Variants in SLIT1 observed in about 807,000 individuals in gnomAD.
SLIT1 encodes slit guidance ligand 1.
A neutral mutation model predicts 186.1 loss-of-function variants in SLIT1; 66 were observed. The observed-to-expected ratio is 0.35, with a 90% CI of 0.29 to 0.44. The LOEUF is 0.44. Ranked by LOEUF, SLIT1 falls within the 20% of genes least tolerant of loss-of-function variation. The pLI, the probability that SLIT1 is intolerant of heterozygous loss-of-function variation, is 1.00. For synonymous variants in SLIT1, 761 were observed against 833.8 expected, an observed-to-expected ratio of 0.91 and a Z score of 1.50; for missense variants, 1,638 against 2,037.4, an observed-to-expected ratio of 0.80 and a Z score of 3.77.
chr10:97,013,895 C>G, intron 29 of SLIT1, 61 bp from the exon 30 acceptor site: 1 of 1,539,396 alleles, frequency 6.5e-7, no homozygotes, highest in Non-Finnish European at 8.8e-7. Flanking sequence ...TGCCGGGCAG[C>G]CAGACCCACA....
rs1848713071 is a variant in SLIT1, at chr10:97,043,855, C to T, written c.1854-342G>A. On this transcript the variant is annotated intron_variant, in intron 18 of 36. Coordinates refer to ENST00000266058, the MANE Select transcript of SLIT1 (RefSeq NM_003061.3). This position sits in a 1 kb window ranked among gnomAD's most constrained non-coding sequence, Gnocchi z 7.0. Reference sequence around the variant, plus strand: ...CTCCACATCAGTGCCCAGGAGACTTCCTGAAACCTAATCCATCATGTCACT... The same window carrying T: ...CTCCACATCAGTGCCCAGGAGACTTTCTGAAACCTAATCCATCATGTCACT... 1.3e-5 allele frequency among the ~76,000 whole-genome samples: 2 copies of T among 152,190 alleles called. No homozygotes were observed. Among genetic ancestry groups the T allele is most frequent in the South Asian group, 4.1e-4 (2 of 4,826 alleles).
At chr10:97,048,824 T>TAGGCAGGC in intron 14 of SLIT1, 131 bp downstream of exon 14, 1 of 835,852 alleles carries the variant, frequency 1.2e-6, no homozygotes, top group South Asian at 1.6e-5. Flanking sequence ...GGTGGACAGG[T>TAGGCAGGC]AGGCAGGCAG....
intron 4 of SLIT1, among the ~76,000 whole-genome samples, chr10:97,089,472 T>A (rs1008209962): frequency 3.3e-5 from 5 of 152,152 alleles, no homozygotes; most frequent in African/African-American, 1.2e-4. Context: ...CTGGGCTGAC[T>A]GCGCAGAGAG....
intron 24 of SLIT1, among the ~76,000 whole-genome samples, 173 bp downstream of exon 24, chr10:97,031,433 C>T (rs758705415): frequency 2.6e-5 from 4 of 152,210 alleles, no homozygotes; most frequent in Admixed American, 6.5e-5. Flanking sequence ...TTCCCATGCA[C>T]GCCCCAGCTT....
intron 4 of SLIT1, chr10:97,154,207 C>T (rs961566899): frequency 1.3e-5 from 2 of 152,226 alleles, no homozygotes; most frequent in Admixed American, 6.5e-5. Flanking sequence ...TAACCATCTC[C>T]AAGGTGAAGA....
At chr10:97,163,313 C>A in intron 3 of SLIT1, 67 bp downstream of exon 3, 1 of 1,385,834 alleles carries the variant, frequency 7.2e-7, no homozygotes. Context: ...CTGGCAGCAG[C>A]TTGGCCTGCC....
At chr10:97,175,028 C>A (rs1850237927) in intron 1 of SLIT1, among the ~76,000 whole-genome samples, 2 of 152,184 alleles carry the variant, frequency 1.3e-5, no homozygotes, top group Admixed American at 6.5e-5. Flanking sequence ...CTGCAAAGTG[C>A]AACTCTATGC....
intron 4 of SLIT1, among the ~76,000 whole-genome samples, chr10:97,140,578 T>G (rs1291599571): frequency 1.3e-5 from 2 of 152,048 alleles, no homozygotes; most frequent in African/African-American, 2.4e-5. Flanking sequence ...TTCTAACCCT[T>G]CCCTGCTTGG....
intron 4 of SLIT1, among the ~76,000 whole-genome samples, chr10:97,122,955 A>G (rs574613280): frequency 1.3e-5 from 2 of 152,230 alleles, no homozygotes; most frequent in South Asian, 4.1e-4. Flanking sequence ...CAGGCCCCTC[A>G]ACTTGTCCTC....
intron 31 of SLIT1, among the ~76,000 whole-genome samples, chr10:97,009,747 T>C (rs1007284849): frequency 3.3e-5 from 5 of 152,196 alleles, no homozygotes; most frequent in Non-Finnish European, 7.3e-5. Flanking sequence ...AAGGGACTTG[T>C]CTAGAATATA....
chr10:97,116,979 G>A (rs906257570), intron 4 of SLIT1, among the ~76,000 whole-genome samples: 3 of 152,174 alleles, frequency 2.0e-5, no homozygotes, highest in Non-Finnish European at 4.4e-5. Flanking sequence ...GAGGTAACAG[G>A]AAAGCATATG....
intron 1 of SLIT1, among the ~76,000 whole-genome samples, chr10:97,165,890 C>T (rs912880006): frequency 1.2e-4 from 18 of 152,100 alleles, no homozygotes; most frequent in Admixed American, 2.6e-4. Flanking sequence ...GTCTGCCCCA[C>T]CCAGCCTCGC....
At chr10:97,061,873 C>T (rs1848896622) in intron 8 of SLIT1, among the ~76,000 whole-genome samples, 2 of 152,188 alleles carry the variant, frequency 1.3e-5, no homozygotes, top group Non-Finnish European at 2.9e-5. Flanking sequence ...GATACCCCCA[C>T]CAGCATTCTA....
rs150972617 is a variant in SLIT1 at position 97,056,342 on chromosome 10, G to A, written c.1280C>T (p.Ser427Phe). The A allele has an allele frequency of 1.4e-4, 220 of 1,614,218 alleles. No individual in the cohort carries two copies. In the African/African-American group the frequency reaches 2.8e-3, roughly 21 times the overall value. ...TCACAGAGTCTGGATGGCCCGCAGG[G>A]AGGTGAAAGTGCCCTTGGCGAGGCT... The part of the protein sequence containing the change: ...IQSLAKGTFT[S>F]LRAIQTLHLA... The change falls in exon 13 of 37, where the codon TCC becomes TTC. Residue 427 changes from serine (S) to phenylalanine (F), a missense_variant. Ser to Phe is a radical substitution (Grantham distance 155, BLOSUM62 -2). Transcript: ENST00000266058.
rs1848976453 is a variant in SLIT1 at position 97,068,829 on chromosome 10, C to T, written c.414-2743G>A. On this transcript the variant is annotated intron_variant, in intron 4 of 36. Transcript: ENST00000266058. This position sits in a 1 kb window ranked among gnomAD's most constrained non-coding sequence, Gnocchi z 4.2. ...CCCCAGATTCCGCCCATTTAGGCTACTCCCCAGAGGGCCCCCAGTGGCCTA... is the reference window on the plus strand; with the variant it reads ...CCCCAGATTCCGCCCATTTAGGCTATTCCCCAGAGGGCCCCCAGTGGCCTA... Among the ~76,000 whole-genome samples, 1 of 152,222 alleles carries T rather than the reference C, an allele frequency of 6.6e-6. No individual in the cohort carries two copies. The highest frequency in any genetic ancestry group is 2.1e-4 in the South Asian group (1 of 4,830).
At chr10:97,018,955 C>G in intron 27 of SLIT1, 28 bp downstream of exon 27, 19 of 1,428,108 alleles carry the variant, frequency 1.3e-5, no homozygotes, top group Non-Finnish European at 1.9e-5. Flanking sequence ...AAGAGCCCTC[C>G]TCCTCCCCGG....
At chr10:97,071,012 G>A (rs1231653010) in intron 4 of SLIT1, among the ~76,000 whole-genome samples, 2 of 152,078 alleles carry the variant, frequency 1.3e-5, no homozygotes, top group East Asian at 1.9e-4. Context: ...GTCTCATTTT[G>A]TTGCTCAGGC....
intron 4 of SLIT1, among the ~76,000 whole-genome samples, chr10:97,100,943 T>C (rs969839010): frequency 6.6e-6 from 1 of 152,024 alleles, no homozygotes; most frequent in African/African-American, 2.4e-5. Context: ...CGCAGGCCGG[T>C]TTGGGCCCCA....
intron 4 of SLIT1, among the ~76,000 whole-genome samples, chr10:97,100,614 A>C (rs1849341252): frequency 6.8e-6 from 1 of 146,318 alleles, no homozygotes; most frequent in Non-Finnish European, 1.5e-5. Flanking sequence ...CAGCCTGGGC[A>C]ACAGCGAGAC....
Sources: gnomAD v4.1 joint callset for allele counts (sites outside exome capture counted in the v4.1 genomes callset) on GRCh38, gnomAD v4.1.1 for gene constraint, Gnocchi (gnomAD v3.1) non-coding constraint, MANE v1.5 for transcripts, NCBI Gene and HGNC (gene_info 2026-07-23, HGNC 2026-07-21) for gene names.